The following SPATA6L variants were observed in gnomAD, a reference collection of about 807,000 sequenced individuals.
The protein encoded by SPATA6L is spermatogenesis associated 6-like protein.
SPATA6L carries 68 observed loss-of-function variants against 49.2 expected under a neutral mutation model. The ratio of observed to expected loss-of-function variants is 1.38; its 90% CI spans 1.14 to 1.69. SPATA6L has a LOEUF of 1.69. Ranked by LOEUF, SPATA6L falls within the 40% of genes most tolerant of loss-of-function variation. The pLI, the probability that SPATA6L is intolerant of heterozygous loss-of-function variation, is 0.00. For missense variants in SPATA6L, 668 were observed against 464.3 expected (o/e 1.44, Z -4.03); for synonymous variants, 198 against 165.7 (o/e 1.19, Z -1.50).
At chr9:4,648,674 T>G (rs1836045240) in intron 3 of SPATA6L, among the ~76,000 whole-genome samples, 1 of 148,948 alleles carries the variant, frequency 6.7e-6, no homozygotes, top group Non-Finnish European at 1.5e-5. Flanking sequence ...CACTCCAGCC[T>G]GGGCGACAGA....
At chr9:4,654,020 C>A (rs181469555) in intron 3 of SPATA6L, among the ~76,000 whole-genome samples, 1 of 152,222 alleles carries the variant, frequency 6.6e-6, no homozygotes, top group East Asian at 1.9e-4. Context: ...AAAGAAAATA[C>A]ACAAATGGCC....
intron 3 of SPATA6L, among the ~76,000 whole-genome samples, chr9:4,640,009 T>C (rs1833690688): frequency 6.6e-6 from 1 of 152,224 alleles, no homozygotes; most frequent in African/African-American, 2.4e-5. Flanking sequence ...CTAATGCCTA[T>C]AAAAGTATAA....
intron 3 of SPATA6L, among the ~76,000 whole-genome samples, chr9:4,641,302 C>G (rs575215661): frequency 6.6e-6 from 1 of 151,922 alleles, no homozygotes; most frequent in Non-Finnish European, 1.5e-5. Context: ...TTTCAGGAAC[C>G]CTTGCAGATA....
At chr9:4,602,320 T>C (rs1823534959) in intron 11 of SPATA6L, among the ~76,000 whole-genome samples, 1 of 152,094 alleles carries the variant, frequency 6.6e-6, no homozygotes, top group Non-Finnish European at 1.5e-5. Context: ...AGACGGCAAT[T>C]ATTTTGGTAA....
chr9:4,592,215 T>A (rs891622915), intron 13 of SPATA6L, among the ~76,000 whole-genome samples: 3 of 150,312 alleles, frequency 2.0e-5, no homozygotes, highest in Non-Finnish European at 1.5e-5. Flanking sequence ...CTCGGGAGGC[T>A]GAGGCAGGAG....
intron 2 of SPATA6L, among the ~76,000 whole-genome samples, chr9:4,656,897 C>G (rs936105048): frequency 8.5e-5 from 13 of 152,264 alleles, no homozygotes; most frequent in Non-Finnish European, 1.3e-4. Context: ...AGAAATATTA[C>G]CTATGCGTAA....
At chr9:4,651,341 A>G (rs1209560954) in intron 3 of SPATA6L, among the ~76,000 whole-genome samples, 2 of 152,246 alleles carry the variant, frequency 1.3e-5, no homozygotes, top group East Asian at 3.8e-4. Flanking sequence ...GAGACTTATA[A>G]TGTGTAGAGA....
intron 3 of SPATA6L, among the ~76,000 whole-genome samples, chr9:4,639,993 T>C (rs1833684900): frequency 6.6e-6 from 1 of 152,232 alleles, no homozygotes; most frequent in African/African-American, 2.4e-5. Flanking sequence ...AAAAGTTCTT[T>C]CCTTGCTAAT....
intron 13 of SPATA6L, among the ~76,000 whole-genome samples, chr9:4,591,375 T>TA (rs949031346): frequency 6.6e-6 from 1 of 152,076 alleles, no homozygotes; most frequent in African/African-American, 2.4e-5. Flanking sequence ...GCCAAGGGCT[T>TA]AAAAAAAATT....
At chr9:4,660,128 T>C (rs899909608) in intron 2 of SPATA6L, among the ~76,000 whole-genome samples, 1 of 152,182 alleles carries the variant, frequency 6.6e-6, no homozygotes, top group African/African-American at 2.4e-5. Flanking sequence ...GGGCAAGGAC[T>C]TCATGACTAA....
chr9:4,620,070 T>C (rs1587116720), intron 7 of SPATA6L, among the ~76,000 whole-genome samples: 1 of 152,122 alleles, frequency 6.6e-6, no homozygotes, highest in Non-Finnish European at 1.5e-5. Context: ...GCCATTTTCA[T>C]ATCCTTTGGG....
intron 3 of SPATA6L, among the ~76,000 whole-genome samples, chr9:4,650,059 T>A (rs998046669): frequency 1.3e-5 from 2 of 152,226 alleles, no homozygotes; most frequent in Admixed American, 1.3e-4. Context: ...AAGCCATCAT[T>A]TTTTATACCC....
intron 1 of SPATA6L, chr9:4,663,168 T>A: frequency 1.9e-6 from 3 of 1,614,112 alleles, no homozygotes; most frequent in Non-Finnish European, 2.5e-6. Flanking sequence ...AGCTTTTGGC[T>A]TTTTTCTGGG....
chr9:4,622,342 A>T (rs1829513542), intron 7 of SPATA6L, 66 bp downstream of exon 7: 1 of 926,872 alleles, frequency 1.1e-6, no homozygotes, highest in African/African-American at 1.6e-5. Context: ...TCAGAATGAA[A>T]GAGTATACTC....
intron 9 of SPATA6L, among the ~76,000 whole-genome samples, chr9:4,613,103 T>G (rs893691561): frequency 2.0e-5 from 3 of 151,782 alleles, no homozygotes; most frequent in African/African-American, 7.3e-5. Flanking sequence ...TGGTGGTACA[T>G]CTGTAGTCCC....
intron 3 of SPATA6L, among the ~76,000 whole-genome samples, chr9:4,650,558 C>A (rs1836584629): frequency 1.3e-5 from 2 of 152,224 alleles, no homozygotes; most frequent in South Asian, 4.1e-4. Context: ...ATAAAACTGA[C>A]AAACCTTTAG....
At chr9:4,605,229 C>G in intron 10 of SPATA6L, 118 bp downstream of exon 10, 1 of 763,636 alleles carries the variant, frequency 1.3e-6, no homozygotes, top group Non-Finnish European at 2.2e-6. Flanking sequence ...GTAAGCCTCA[C>G]AATTTTCCAC....
intron 9 of SPATA6L, among the ~76,000 whole-genome samples, chr9:4,611,919 C>A (rs1445226192): frequency 6.6e-6 from 1 of 152,094 alleles, no homozygotes; most frequent in Non-Finnish European, 1.5e-5. Flanking sequence ...TCATAGCTCA[C>A]TGCAACCTTG....
rs1404910470 is a variant in SPATA6L, at chr9:4,620,263, C to T, written c.773-1365G>A. Among the ~76,000 whole-genome samples the T allele has an allele frequency of 7.9e-5, 12 of 151,754 alleles. No homozygotes were observed. In the East Asian group the frequency reaches 2.1e-3, roughly 27 times the overall value. On this transcript the variant is annotated intron_variant, in intron 7 of 11. Transcript: ENST00000682582. ...TCATAACATGTGGTCTCATAACCTCCTTCCTCCTGTGGCCTCATAACCCTG... is the reference window on the plus strand; with the variant it reads ...TCATAACATGTGGTCTCATAACCTCTTTCCTCCTGTGGCCTCATAACCCTG...
Sources: allele counts gnomAD v4.1 joint callset (sites outside exome capture counted in the v4.1 genomes callset), GRCh38; gene constraint gnomAD v4.1.1; transcripts MANE v1.5; gene names NCBI Gene and HGNC (gene_info 2026-07-23, HGNC 2026-07-21).